Variants in ARID5A observed in about 807,000 individuals in gnomAD.
The protein encoded by ARID5A is AT-rich interaction domain 5A, also known as AT-rich interactive domain-containing protein 5A.
ARID5A carries 14 observed loss-of-function variants against 30.5 expected under a neutral mutation model. The observed-to-expected ratio is 0.46, with a 90% CI of 0.30 to 0.72. The LOEUF (loss-of-function observed/expected upper bound fraction) is 0.72. ARID5A is among the 30% of genes least tolerant of loss of function. The pLI is 0.07. For synonymous variants in ARID5A, 338 were observed against 340.4 expected (o/e 0.99, Z 0.08); for missense variants, 669 against 786.2 (o/e 0.85, Z 1.78).
In ARID5A at chr2:96,550,554, C is replaced by A; in HGVS notation, c.411-20C>A. 6.3e-7 allele frequency: 1 copy of A among 1,584,782 alleles called. No homozygotes were observed. Among genetic ancestry groups the A allele is most frequent in the Admixed American group, 1.8e-5 (1 of 56,178 alleles). On this transcript the variant is annotated intron_variant, in intron 5 of 6. Coordinates refer to ENST00000357485, the MANE Select transcript of ARID5A (RefSeq NM_212481.3). This position sits in a 1 kb window ranked among gnomAD's most constrained non-coding sequence, Gnocchi z 6.6. ...GGATGGGCGCCGGCCTCCTGGGGGA[C>A]ATGCGTGGTTCCTCACCAGGCTGGT...
At position 96,552,399 on chromosome 2, in the gene ARID5A, C is replaced by T. The variant is rs1027287913; in HGVS notation, c.*86C>T. On this transcript the variant is annotated 3_prime_UTR_variant, in exon 7 of 7. Coordinates refer to ENST00000357485, the MANE Select transcript of ARID5A (RefSeq NM_212481.3). ...GCTGCCAGGGGGCTCTGAACTAGTG[C>T]CTGCTACCCAGGACACCCGGGCCAT... 1 of 1,587,178 alleles carries T rather than the reference C, an allele frequency of 6.3e-7. No individual in the cohort carries two copies.
At chr2:96,542,998 TG>T (rs1345324906) in intron 1 of ARID5A, among the ~76,000 whole-genome samples, 1 of 152,186 alleles carries the variant, frequency 6.6e-6, no homozygotes, top group East Asian at 1.9e-4. Flanking sequence ...ACAGAGGACT[TG>T]GTTGGAAAGG....
At position 96,537,718 on chromosome 2, in the gene ARID5A, G is replaced by A. The variant is rs1363903692; in HGVS notation, c.4+888G>A. The A allele has an allele frequency of 6.2e-6, 2 of 322,990 alleles. No homozygotes were observed. The highest frequency in any genetic ancestry group is 4.5e-5 in the African/African-American group (2 of 44,520). The allele number at this position is 322,990 out of a possible 1,614,324, so 20.0% of individuals were successfully genotyped here. A position where few individuals can be genotyped will look rare whatever the true frequency, so the allele number is the denominator to read the frequency against. On this transcript the variant is annotated intron_variant, in intron 1 of 6. Coordinates refer to ENST00000357485, the MANE Select transcript of ARID5A (RefSeq NM_212481.3). The surrounding 1 kb of genome is among the most constrained non-coding windows in gnomAD (Gnocchi z 4.8). ...CTCGGCGGGAGCTGCGGGCCAACCC[G>A]GGCCCGCGCTCCGTCCCTCCGCGGT...
chr2:96,547,546 G>C (rs2065950321), intron 2 of ARID5A, 29 bp downstream of exon 2: 2 of 1,604,208 alleles, frequency 1.2e-6, no homozygotes, highest in Non-Finnish European at 1.7e-6. Context: ...CTGACTCCCT[G>C]GGCACTCTTC....
rs151217666 is a variant in ARID5A, at chr2:96,539,729, CT to C, written c.4+2900del. On this transcript the variant is annotated intron_variant, in intron 1 of 6. Coordinates refer to ENST00000357485, the MANE Select transcript of ARID5A (RefSeq NM_212481.3). The surrounding 1 kb of genome is among the most constrained non-coding windows in gnomAD (Gnocchi z 4.7). ...GCCATGCCCCTTCCCGGCCCTCCCC[CT>C]CTCCCCGCTGCTGCCCAGCTCTCTG... Among the ~76,000 whole-genome samples the C allele has an allele frequency of 0.097, 14,632 of 151,014 alleles. 1,505 individuals are homozygous for C. The highest frequency in any genetic ancestry group is 0.27 in the African/African-American group (11,028 of 40,470).
rs554570883 is a variant in ARID5A at position 96,538,413 on chromosome 2, C to T, written c.4+1583C>T. ...CTTCCCTTTCTGTACCCTCTGGTGG[C>T]TCTTGTGGCCTCAGCTGCCCCCAGA... On this transcript the variant is annotated intron_variant, in intron 1 of 6. Coordinates refer to ENST00000357485, the MANE Select transcript of ARID5A (RefSeq NM_212481.3). The T allele has an allele frequency of 4.0e-5, 34 of 844,276 alleles. 1 individual carries two copies. In the East Asian group the frequency reaches 1.6e-3, roughly 39 times the overall value. The allele number at this position is 844,276 out of a possible 1,614,324, so 52.3% of individuals were successfully genotyped here.
Position 96,537,952 on chromosome 2 carries a change from C to T in ARID5A, c.4+1122C>T, listed in dbSNP as rs966255159. On this transcript the variant is annotated intron_variant, in intron 1 of 6. Transcript: ENST00000357485. This position sits in a 1 kb window ranked among gnomAD's most constrained non-coding sequence, Gnocchi z 4.8. ...GGTGCCTCTTGCCCCACCCGGGCTCCTCTGGTGGGAGCCCACACGCACGGT... is the reference window on the plus strand; with the variant it reads ...GGTGCCTCTTGCCCCACCCGGGCTCTTCTGGTGGGAGCCCACACGCACGGT... The T allele has an allele frequency of 2.4e-5, 24 of 985,426 alleles. No homozygotes were observed. The Middle Eastern group carries it at 1.5e-3, about 63-fold the overall frequency. The allele number at this position is 985,426 out of a possible 1,614,324, so 61.0% of individuals were successfully genotyped here. A position where few individuals can be genotyped will look rare whatever the true frequency, so the allele number is the denominator to read the frequency against.
In ARID5A at chr2:96,550,863, G is replaced by T. The variant is rs1573203383; in HGVS notation, c.570+130G>T. The T allele has an allele frequency of 2.2e-6, 3 of 1,346,022 alleles. No individual in the cohort carries two copies. Among genetic ancestry groups the T allele is most frequent in the East Asian group, 2.5e-5 (1 of 39,650 alleles). 83.4% of individuals were successfully genotyped at this position (1,346,022 alleles called of 1,614,324 possible). A position where few individuals can be genotyped will look rare whatever the true frequency, so the allele number is the denominator to read the frequency against. ...CTGCACCCAGGGCGGGACTTGCAAG[G>T]TTCCAGGTTCTCCACAGATGGTTGT... On this transcript the variant is annotated intron_variant, in intron 6 of 6. Transcript: ENST00000357485. This position sits in a 1 kb window ranked among gnomAD's most constrained non-coding sequence, Gnocchi z 6.6.
rs748856198 is a variant in ARID5A at position 96,550,044 on chromosome 2, G to A, written c.313-144G>A. 2 of 1,533,194 alleles carry A rather than the reference G, an allele frequency of 1.3e-6. No individual in the cohort carries two copies. The highest frequency in any genetic ancestry group is 2.0e-5 in the Admixed American group (1 of 50,948). The allele number at this position is 1,533,194 out of a possible 1,614,324, so 95.0% of individuals were successfully genotyped here. Reference sequence around the variant, plus strand: ...GGGCCAGCAGTCCATGGCCCTAGGAGAGAGAATCGGCTGGCCGCTGCTGGA... The same window carrying A: ...GGGCCAGCAGTCCATGGCCCTAGGAAAGAGAATCGGCTGGCCGCTGCTGGA... On this transcript the variant is annotated intron_variant, in intron 4 of 6. Transcript: ENST00000357485. The surrounding 1 kb of genome is among the most constrained non-coding windows in gnomAD (Gnocchi z 6.6).
At chr2:96,536,949 G>A in intron 1 of ARID5A, 119 bp downstream of exon 1, 1 of 1,176,570 alleles carries the variant, frequency 8.5e-7, no homozygotes, top group Non-Finnish European at 1.1e-6. Context: ...GTGGGGCGGA[G>A]AGGGGCCCGG....
At chr2:96,540,739 G>T (rs918263264) in intron 1 of ARID5A, among the ~76,000 whole-genome samples, 3 of 152,190 alleles carry the variant, frequency 2.0e-5, no homozygotes, top group Admixed American at 6.5e-5. Context: ...AGTAGTGGGG[G>T]TTTTTTGTTT....
At position 96,552,124 on chromosome 2, in the gene ARID5A, G is replaced by A. The variant is rs749327416; in HGVS notation, c.1596G>A (p.Pro532=). The change falls in exon 7 of 7, where the codon CCG becomes CCA. Residue 532 remains proline (P), a synonymous_variant. Coordinates refer to ENST00000357485, the MANE Select transcript of ARID5A (RefSeq NM_212481.3). The part of the protein sequence containing the change: ...AALPFSPLVI[P]AFPAHFLATA... ...TCCCCTTCAGCCCCCTGGTCATCCC[G>A]GCCTTCCCGGCCCACTTCCTGGCCA... 29 of 1,611,450 alleles carry A rather than the reference G, an allele frequency of 1.8e-5. No homozygotes were observed. Among genetic ancestry groups the A allele is most frequent in the East Asian group, 8.9e-5 (4 of 44,864 alleles).
At chr2:96,543,239 G>A (rs1397049487) in intron 1 of ARID5A, among the ~76,000 whole-genome samples, 1 of 152,220 alleles carries the variant, frequency 6.6e-6, no homozygotes, top group Admixed American at 6.5e-5. Flanking sequence ...AGGGAGGCAA[G>A]CAACTTACCC....
chr2:96,538,150 A>T, intron 1 of ARID5A: 1 of 985,430 alleles, frequency 1.0e-6, no homozygotes, highest in Non-Finnish European at 1.2e-6. Context: ...CTGCTTCTAC[A>T]GTTGAGAGAC....
At chr2:96,547,918 GC>G (rs1368093765) in intron 2 of ARID5A, among the ~76,000 whole-genome samples, 1 of 152,224 alleles carries the variant, frequency 6.6e-6, no homozygotes, top group Non-Finnish European at 1.5e-5. Context: ...AGCACAGTCG[GC>G]CCCGGCTTTC....
chr2:96,550,348 C>T lies in ARID5A; in HGVS notation c.410+63C>T, dbSNP rs2066010069. 2 of 1,422,634 alleles carry T rather than the reference C, an allele frequency of 1.4e-6. No individual in the cohort carries two copies. The highest frequency in any genetic ancestry group is 2.6e-5 in the East Asian group (1 of 37,938). The allele number at this position is 1,422,634 out of a possible 1,614,324, so 88.1% of individuals were successfully genotyped here. A position where few individuals can be genotyped will look rare whatever the true frequency, so the allele number is the denominator to read the frequency against. ...CCCTGCGGGGCTTTGGCCGACCTTGCCGGGAGGGCCGGGTGGACTCTGCCC... is the reference window on the plus strand; with the variant it reads ...CCCTGCGGGGCTTTGGCCGACCTTGTCGGGAGGGCCGGGTGGACTCTGCCC... On this transcript the variant is annotated intron_variant, in intron 5 of 6. Coordinates refer to ENST00000357485, the MANE Select transcript of ARID5A (RefSeq NM_212481.3). The surrounding 1 kb of genome is among the most constrained non-coding windows in gnomAD (Gnocchi z 6.6).
rs2066076389 is a variant in ARID5A at position 96,552,559 on chromosome 2, C to T, written c.*246C>T. 6.6e-7 allele frequency: 1 copy of T among 1,522,564 alleles called. No homozygotes were observed. Among genetic ancestry groups the T allele is most frequent in the Non-Finnish European group, 8.8e-7 (1 of 1,139,448 alleles). The allele number at this position is 1,522,564 out of a possible 1,614,324, so 94.3% of individuals were successfully genotyped here. A position where few individuals can be genotyped will look rare whatever the true frequency, so the allele number is the denominator to read the frequency against. Reference sequence around the variant, plus strand: ...GCGCTGGGAGAGGATGGGCAGCTCCCACTGCCCCAGAGCGGAGCTCGAAGC... The same window carrying T: ...GCGCTGGGAGAGGATGGGCAGCTCCTACTGCCCCAGAGCGGAGCTCGAAGC... On this transcript the variant is annotated 3_prime_UTR_variant, in exon 7 of 7. Coordinates refer to ENST00000357485, the MANE Select transcript of ARID5A (RefSeq NM_212481.3).
chr2:96,546,892 C>G (rs1368382075), intron 1 of ARID5A, among the ~76,000 whole-genome samples: 1 of 152,216 alleles, frequency 6.6e-6, no homozygotes, highest in East Asian at 1.9e-4. Context: ...TGCTTCTCAA[C>G]TCTGTGTCTG....
Position 96,550,054 on chromosome 2 carries a change from G to A in ARID5A, c.313-134G>A. ...TCCATGGCCCTAGGAGAGAGAATCGGCTGGCCGCTGCTGGAGCCGCAGAGC... is the reference window on the plus strand; with the variant it reads ...TCCATGGCCCTAGGAGAGAGAATCGACTGGCCGCTGCTGGAGCCGCAGAGC... On this transcript the variant is annotated intron_variant, in intron 4 of 6. Transcript: ENST00000357485. The surrounding 1 kb of genome is among the most constrained non-coding windows in gnomAD (Gnocchi z 6.6). The A allele has an allele frequency of 2.0e-6, 3 of 1,532,600 alleles. No individual in the cohort carries two copies. The highest frequency in any genetic ancestry group is 2.6e-6 in the Non-Finnish European group (3 of 1,145,876). 94.9% of individuals were successfully genotyped at this position (1,532,600 alleles called of 1,614,324 possible).
Sources: gnomAD v4.1 joint callset for allele counts (sites outside exome capture counted in the v4.1 genomes callset) on GRCh38, gnomAD v4.1.1 for gene constraint, Gnocchi (gnomAD v3.1) non-coding constraint, MANE v1.5 for transcripts, NCBI Gene and HGNC (gene_info 2026-07-23, HGNC 2026-07-21) for gene names.